KCNJ6: variants seen among roughly 807,000 people sequenced by gnomAD.
The protein encoded by KCNJ6 is G protein-activated inward rectifier potassium channel 2.
KCNJ6 carries 9 observed loss-of-function variants against 34.2 expected under a neutral mutation model. The ratio of observed to expected loss-of-function variants is 0.26; its 90% confidence interval spans 0.16 to 0.46. The LOEUF (loss-of-function observed/expected upper bound fraction) is 0.46. Among genes scored for constraint, KCNJ6 ranks in the 20% least tolerant of loss-of-function variants. The pLI, the probability that KCNJ6 is intolerant of heterozygous loss-of-function variation, is 1.00. For synonymous variants in KCNJ6, 196 were observed against 207.1 expected (o/e 0.95, Z 0.46); for missense variants, 236 against 531.3 (o/e 0.44, Z 5.46).
At chr21:37,662,306 A>G (rs2054493234) in intron 3 of KCNJ6, among the ~76,000 whole-genome samples, 1 of 152,090 alleles carries the variant, frequency 6.6e-6, no homozygotes, top group Non-Finnish European at 1.5e-5. Context: ...CGCTCTGTCC[A>G]TGTGTTCTCA....
At chr21:37,858,188 G>A (rs900947565) in intron 1 of KCNJ6, among the ~76,000 whole-genome samples, 7 of 151,858 alleles carry the variant, frequency 4.6e-5, no homozygotes, top group African/African-American at 1.7e-4. Flanking sequence ...TCAGGAGATC[G>A]AGACCATCCT....
At chr21:37,814,770 C>T (rs59290776) in intron 2 of KCNJ6, among the ~76,000 whole-genome samples, 49,232 of 151,548 alleles carry the variant, frequency 0.32, 9,157 homozygotes, top group South Asian at 0.4. Context: ...TGGTGGCGGG[C>T]GCCTGTAGTC....
intron 2 of KCNJ6, among the ~76,000 whole-genome samples, chr21:37,773,251 A>G (rs1479083029): frequency 5.9e-5 from 9 of 152,190 alleles, no homozygotes; most frequent in Non-Finnish European, 1.2e-4. Context: ...ACGGCATAGC[A>G]GGAGGCTCTC....
intron 2 of KCNJ6, among the ~76,000 whole-genome samples, chr21:37,761,852 T>A (rs894702400): frequency 6.6e-6 from 1 of 152,102 alleles, no homozygotes; most frequent in African/African-American, 2.4e-5. Flanking sequence ...CTGTGTGCGG[T>A]GCATGTTCAT....
At chr21:37,845,416 A>G (rs929536388) in intron 1 of KCNJ6, among the ~76,000 whole-genome samples, 1 of 152,060 alleles carries the variant, frequency 6.6e-6, no homozygotes, top group African/African-American at 2.4e-5. Context: ...AAGAGAGCAC[A>G]TGTATAAGAG....
At chr21:37,667,971 C>T (rs543285503) in intron 3 of KCNJ6, among the ~76,000 whole-genome samples, 9 of 152,140 alleles carry the variant, frequency 5.9e-5, no homozygotes, top group Non-Finnish European at 8.8e-5. Flanking sequence ...TTCTTAAAAG[C>T]GCAGGGGCCT....
chr21:37,722,177 A>C (rs906347805), intron 2 of KCNJ6, among the ~76,000 whole-genome samples: 1 of 152,244 alleles, frequency 6.6e-6, no homozygotes, highest in Admixed American at 6.5e-5. Flanking sequence ...GAGCTGAATC[A>C]AGAATAAAAT....
chr21:37,718,569 C>G (rs1159950935), intron 2 of KCNJ6, among the ~76,000 whole-genome samples: 1 of 149,704 alleles, frequency 6.7e-6, no homozygotes, highest in Non-Finnish European at 1.5e-5. Context: ...CTTTAAAAAC[C>G]AACAAAAAGT....
chr21:37,641,689 A>G (rs1321791126), intron 3 of KCNJ6, among the ~76,000 whole-genome samples: 1 of 113,630 alleles, frequency 8.8e-6, no homozygotes, highest in Non-Finnish European at 1.8e-5. Context: ...CTGAAAGTAG[A>G]CGAGTGTGTT....
chr21:37,709,661 A>C (rs1447375521), intron 3 of KCNJ6, among the ~76,000 whole-genome samples: 2 of 152,220 alleles, frequency 1.3e-5, no homozygotes, highest in Non-Finnish European at 1.5e-5. Context: ...TGTGGCTTTC[A>C]AGGTCCTGCC....
intron 1 of KCNJ6, among the ~76,000 whole-genome samples, chr21:37,898,099 T>C (rs1377738949): frequency 6.6e-6 from 1 of 152,060 alleles, no homozygotes; most frequent in Non-Finnish European, 1.5e-5. Context: ...GAAGTATCCG[T>C]GTGGGAAGGG....
chr21:37,772,864 T>G (rs886612922), intron 2 of KCNJ6, among the ~76,000 whole-genome samples: 1 of 152,206 alleles, frequency 6.6e-6, no homozygotes, highest in Non-Finnish European at 1.5e-5. Context: ...TATGCTGTAT[T>G]AAATGTACTA....
At chr21:37,793,651 T>A (rs2055227849) in intron 2 of KCNJ6, among the ~76,000 whole-genome samples, 1 of 152,142 alleles carries the variant, frequency 6.6e-6, no homozygotes, top group Non-Finnish European at 1.5e-5. Flanking sequence ...ATTATTGCTT[T>A]TGGTCCTGGC....
chr21:37,632,367 G>A (rs73410068), intron 3 of KCNJ6, among the ~76,000 whole-genome samples: 5 of 151,662 alleles, frequency 3.3e-5, no homozygotes, highest in African/African-American at 1.2e-4. Flanking sequence ...AAATTAAAGG[G>A]CATATAGAAA....
chr21:37,762,592 T>A (rs1436887391), intron 2 of KCNJ6, among the ~76,000 whole-genome samples: 1 of 152,122 alleles, frequency 6.6e-6, no homozygotes, highest in Non-Finnish European at 1.5e-5. Flanking sequence ...CCTGTTGAGG[T>A]CAACTCTTGT....
At chr21:37,809,649 A>C (rs2055312629) in intron 2 of KCNJ6, among the ~76,000 whole-genome samples, 1 of 152,228 alleles carries the variant, frequency 6.6e-6, no homozygotes, top group South Asian at 2.1e-4. Context: ...TATAAAAAGT[A>C]AAAATCTCAG....
chr21:37,696,494 CT>C (rs2054664114), intron 3 of KCNJ6, among the ~76,000 whole-genome samples: 1 of 152,042 alleles, frequency 6.6e-6, no homozygotes, highest in Admixed American at 6.5e-5. Flanking sequence ...AATAACTGCT[CT>C]ATAGTCTTCA....
rs774386478 is a variant in KCNJ6, at chr21:37,609,704, T to G, written c.*15455A>C. 6.6e-6 allele frequency: 1 copy of G among 152,226 alleles called. No homozygotes were observed. The highest frequency in any genetic ancestry group is 1.5e-5 in the Non-Finnish European group (1 of 68,046). 9.4% of individuals were successfully genotyped at this position (152,226 alleles called of 1,614,324 possible). On this transcript the variant is annotated 3_prime_UTR_variant, in exon 4 of 4. Coordinates refer to ENST00000609713, the MANE Select transcript of KCNJ6 (RefSeq NM_002240.5). Reference sequence around the variant, plus strand: ...ATTATGGTTTAAGCTTTTTGCCTCCTTAATTATCCTGTCTGGTTTAGTTTT... The same window carrying G: ...ATTATGGTTTAAGCTTTTTGCCTCCGTAATTATCCTGTCTGGTTTAGTTTT...
At chr21:37,628,417 A>G (rs996430736) in intron 3 of KCNJ6, among the ~76,000 whole-genome samples, 3 of 152,230 alleles carry the variant, frequency 2.0e-5, no homozygotes, top group African/African-American at 7.2e-5. Flanking sequence ...GAATTACTAC[A>G]GGAACTTAAC....
Sources: allele counts gnomAD v4.1 joint callset (sites outside exome capture counted in the v4.1 genomes callset), GRCh38; gene constraint gnomAD v4.1.1; transcripts MANE v1.5; gene names NCBI Gene and HGNC (gene_info 2026-07-23, HGNC 2026-07-21).